PITPNB: variants seen among roughly 807,000 people sequenced by gnomAD.
PITPNB encodes the protein phosphatidylinositol transfer protein beta, also known as phosphatidylinositol transfer protein beta isoform.
In PITPNB, 16 loss-of-function variants were observed where a neutral mutation model predicts 45.9. The ratio of observed to expected loss-of-function variants is 0.35; its 90% confidence interval spans 0.24 to 0.53. The LOEUF (loss-of-function observed/expected upper bound fraction) is 0.53, where lower values mean the gene tolerates loss of function less well. Ranked by LOEUF, PITPNB falls within the 20% of genes least tolerant of loss-of-function variation. PITPNB has a pLI of 0.93. For missense variants in PITPNB, 188 were observed against 330.5 expected (o/e 0.57, Z 3.34); for synonymous variants, 112 against 108.9 (o/e 1.03, Z -0.18).
Position 27,853,448 on chromosome 22 carries a change from G to T in PITPNB, c.*254C>A. ...TCTGTATGTACATATATACACAAGT[G>T]TGTGTATCTGGATCTGTAGCTCTAC... On this transcript the variant is annotated 3_prime_UTR_variant, in exon 12 of 12. Coordinates refer to ENST00000335272, the MANE Select transcript of PITPNB (RefSeq NM_012399.5). 1.6e-6 allele frequency: 1 copy of T among 616,194 alleles called. No individual in the cohort carries two copies. The highest frequency in any genetic ancestry group is 2.8e-5 in the East Asian group (1 of 36,306). The allele number at this position is 616,194 out of a possible 1,614,324, so 38.2% of individuals were successfully genotyped here.
At chr22:27,907,524 T>C (rs973697496) in intron 3 of PITPNB, among the ~76,000 whole-genome samples, 2 of 152,204 alleles carry the variant, frequency 1.3e-5, no homozygotes, top group South Asian at 2.1e-4. Context: ...CTCACTACTG[T>C]CAGAATAGTC....
At chr22:27,899,345 G>C (rs185931017) in intron 3 of PITPNB, among the ~76,000 whole-genome samples, 84 of 151,994 alleles carry the variant, frequency 5.5e-4, no homozygotes, top group African/African-American at 2.0e-3. Flanking sequence ...TCTTTTTTGA[G>C]ACGGAGTCTC....
intron 7 of PITPNB, among the ~76,000 whole-genome samples, chr22:27,890,360 T>TC (rs1935238807): frequency 7.1e-6 from 1 of 140,920 alleles, no homozygotes; most frequent in Non-Finnish European, 1.5e-5. Context: ...TGGAATTATT[T>TC]TTTTTTTTTA....
chr22:27,881,566 A>T (rs1256482394), intron 7 of PITPNB, among the ~76,000 whole-genome samples: 1 of 152,208 alleles, frequency 6.6e-6, no homozygotes, highest in African/African-American at 2.4e-5. Flanking sequence ...TGGCAACCAT[A>T]GGCCCGGCTA....
chr22:27,868,471 G>A (rs1934549447), intron 8 of PITPNB, among the ~76,000 whole-genome samples: 1 of 152,176 alleles, frequency 6.6e-6, no homozygotes, highest in East Asian at 1.9e-4. Flanking sequence ...TTGGTAGCAT[G>A]GCAGTAAACA....
At chr22:27,905,954 CT>C (rs1175292512) in intron 3 of PITPNB, among the ~76,000 whole-genome samples, 1 of 152,202 alleles carries the variant, frequency 6.6e-6, no homozygotes, top group African/African-American at 2.4e-5. Flanking sequence ...TCCTCTTTCA[CT>C]GCCATCTACT....
At chr22:27,912,642 T>TA (rs536495395) in intron 2 of PITPNB, among the ~76,000 whole-genome samples, 129 of 144,578 alleles carry the variant, frequency 8.9e-4, no homozygotes, top group African/African-American at 1.1e-3. Context: ...AATAAAAAAT[T>TA]AAAAAAAAAA....
At chr22:27,861,201 T>C (rs1934321677) in intron 8 of PITPNB, among the ~76,000 whole-genome samples, 1 of 151,650 alleles carries the variant, frequency 6.6e-6, no homozygotes, top group Admixed American at 6.6e-5. Context: ...GGGGTGGTGG[T>C]GGGAGCCTGT....
rs1935352301 is a variant in PITPNB at position 27,893,621 on chromosome 22, GCT to G, written c.456+932_456+933del. The stretch of plus-strand genomic sequence containing the variant: ...TTTTTTTTTTTTGAGCTAGGATCTC[GCT>G]CTGTCACCCTGGCTGGGGTGCAGTG... On this transcript the variant is annotated intron_variant, in intron 7 of 11. Transcript: ENST00000335272. Among the ~76,000 whole-genome samples the G allele has an allele frequency of 3.3e-5, 4 of 122,730 alleles. No homozygotes were observed. The South Asian group carries it at 1.0e-3, about 32-fold the overall frequency. 80.5% of individuals were successfully genotyped at this position (122,730 alleles called of 152,430 possible).
chr22:27,888,284 T>TA (rs1166364703), intron 7 of PITPNB, among the ~76,000 whole-genome samples: 2 of 152,186 alleles, frequency 1.3e-5, no homozygotes, highest in Non-Finnish European at 2.9e-5. Context: ...AAGAAACACT[T>TA]AGACTTCTGA....
intron 8 of PITPNB, among the ~76,000 whole-genome samples, chr22:27,869,950 C>T (rs777649518): frequency 1.3e-5 from 2 of 152,066 alleles, no homozygotes; most frequent in South Asian, 2.1e-4. Context: ...CCATTGAAAA[C>T]GTACCACTAG....
intron 7 of PITPNB, among the ~76,000 whole-genome samples, chr22:27,891,233 ATTATGTGTATTT>A (rs565810231): frequency 6.6e-6 from 1 of 152,344 alleles, no homozygotes; most frequent in African/African-American, 2.4e-5. Context: ...TAAAATTTAG[ATTATGTGTATTT>A]TATCCCAATA....
rs1344134603 is a variant in PITPNB at position 27,860,120 on chromosome 22, G to C, written c.645+11C>G. ...CTAAATCTAAGTCACCACATTTTGA[G>C]CAGATTTTACCTTTTGAATGAAGTT... On this transcript the variant is annotated intron_variant, in intron 9 of 11. Coordinates refer to ENST00000335272, the MANE Select transcript of PITPNB (RefSeq NM_012399.5). 2 of 1,498,804 alleles carry C rather than the reference G, an allele frequency of 1.3e-6. No homozygotes were observed. Among genetic ancestry groups the C allele is most frequent in the East Asian group, 4.5e-5 (2 of 44,394 alleles). The allele number at this position is 1,498,804 out of a possible 1,614,324, so 92.8% of individuals were successfully genotyped here.
chr22:27,872,406 T>C (rs1934693669), intron 8 of PITPNB, among the ~76,000 whole-genome samples: 1 of 106,774 alleles, frequency 9.4e-6, no homozygotes, highest in African/African-American at 4.4e-5. Context: ...AGCCTCTTTA[T>C]ATATAATACC....
At chr22:27,875,678 A>C (rs1057058263) in intron 7 of PITPNB, among the ~76,000 whole-genome samples, 7 of 152,266 alleles carry the variant, frequency 4.6e-5, no homozygotes, top group Non-Finnish European at 1.5e-5. Flanking sequence ...TGTATCAAAT[A>C]ATCACTTTCA....
intron 10 of PITPNB, among the ~76,000 whole-genome samples, chr22:27,857,314 A>C (rs1287021359): frequency 1.3e-5 from 2 of 152,236 alleles, no homozygotes; most frequent in Admixed American, 1.3e-4. Context: ...GTATAAGATA[A>C]GGTTAAAATA....
rs796543369 is a variant in PITPNB at position 27,854,382 on chromosome 22, G to A, written c.*38+472C>T. On this transcript the variant is annotated intron_variant, in intron 11 of 11. Transcript: ENST00000335272. ...AAAGCTAACTGTAACAACTGAAGAC[G>A]AAATATCAAGGAAGACTTTCTGGTG... Among the ~76,000 whole-genome samples, 47 of 152,252 alleles carry A rather than the reference G, an allele frequency of 3.1e-4. 1 individual carries two copies. Among genetic ancestry groups the A allele is most frequent in the African/African-American group, 9.6e-4 (40 of 41,550 alleles).
In PITPNB at chr22:27,858,522, C is replaced by A; in HGVS notation, c.646-13G>T. On this transcript the variant is annotated splice_polypyrimidine_tract_variant and intron_variant, in intron 9 of 11. Coordinates refer to ENST00000335272, the MANE Select transcript of PITPNB (RefSeq NM_012399.5). ...TCCGTTTTTCTTGCTTTTAAAACAA[C>A]AACAAAAAAGTAGCATAAGATGACA... 1.9e-6 allele frequency: 3 copies of A among 1,600,676 alleles called. No individual in the cohort carries two copies. The highest frequency in any genetic ancestry group is 1.7e-5 in the Admixed American group (1 of 57,364).
At chr22:27,859,206 AT>A (rs1934250289) in intron 9 of PITPNB, among the ~76,000 whole-genome samples, 1 of 152,214 alleles carries the variant, frequency 6.6e-6, no homozygotes, top group Admixed American at 6.5e-5. Context: ...TGTGACTTCT[AT>A]TTATCAGAAC....
Sources: allele counts gnomAD v4.1 joint callset (sites outside exome capture counted in the v4.1 genomes callset), GRCh38; gene constraint gnomAD v4.1.1; transcripts MANE v1.5; gene names NCBI Gene and HGNC (gene_info 2026-07-23, HGNC 2026-07-21).